The following USP11 variants were observed in gnomAD, a reference collection of about 807,000 sequenced individuals.
The protein encoded by USP11 is ubiquitin specific peptidase 11.
USP11 carries 5 observed loss-of-function variants against 72.8 expected under a neutral mutation model. That is an observed-to-expected ratio of 0.07 (90% CI 0.04 to 0.14). The LOEUF is 0.14. Among genes scored for constraint, USP11 ranks in the 10% least tolerant of loss-of-function variants. The pLI is 1.00. For missense variants in USP11, 480 were observed against 794.7 expected (o/e 0.60, Z 4.76); for synonymous variants, 368 against 326.5 (o/e 1.13, Z -1.37).
intron 17 of USP11, 122 bp downstream of exon 17, chrX:47,245,604 G>A (rs1350240433): frequency 2.2e-6 from 1 of 455,313 alleles, no homozygotes; most frequent in Non-Finnish European, 3.7e-6. Flanking sequence ...AAGTGCAGTG[G>A]TACAATCTCG....
chrX:47,238,146 A>G (rs2055383200), intron 1 of USP11, among the ~76,000 whole-genome samples: 1 of 109,695 alleles, frequency 9.1e-6, no homozygotes, highest in Non-Finnish European at 1.9e-5. Context: ...GCCAAAGTAA[A>G]TTCTAAATTA....
chrX:47,242,378 C>T (rs1161856891), intron 10 of USP11, 61 bp from the exon 11 acceptor site: 6 of 1,204,382 alleles, frequency 5.0e-6, no homozygotes, highest in Non-Finnish European at 5.6e-6. Context: ...TAGCTCAAGG[C>T]TTCTTGCATT....
Position 47,243,591 on chromosome X carries a change from G to A in USP11, c.1779G>A (p.Met593Ile). 8.3e-7 allele frequency: 1 copy of A among 1,211,615 alleles called. No individual in the cohort carries two copies. Among genetic ancestry groups the A allele is most frequent in the South Asian group, 1.8e-5 (1 of 56,957 alleles). The change falls in exon 13 of 21, where the codon ATG (methionine) becomes ATA (isoleucine). Residue 593 changes from methionine (M) to isoleucine (I), a missense_variant. Met to Ile is a conservative substitution (Grantham distance 10). This residue lies in a region of USP11 where 314 missense variants were observed against 556.0 expected (regional missense o/e 0.56). Transcript: ENST00000377107. ...GGGAGGGCCTGTATAACGTCCTGAT[G>A]TACCGGCTCTCGTAAGTGTCCTCTT... ...FTWEGLYNVL[M>I]YRLSRYVTKP...
rs775072824 is a variant in USP11, at chrX:47,240,810, G to C, written c.780G>C (p.Lys260Asn). 8.3e-7 allele frequency: 1 copy of C among 1,210,287 alleles called. No individual in the cohort carries two copies. Among genetic ancestry groups the C allele is most frequent in the East Asian group, 3.0e-5 (1 of 33,765 alleles). Reference protein sequence around the residue: ...NNMSEEDEDFKGQPGICGLTN... With the variant: ...NNMSEEDEDFNGQPGICGLTN... ...TGTCGGAAGAGGATGAGGACTTCAA[G>C]GGTCAGCCAGGCATCTGTGGCCTCA... Residue 260 changes from lysine (K) to asparagine (N), a missense_variant, in exon 7 of 21, where the codon AAG (lysine) becomes AAC (asparagine). By Grantham distance (94) the Lys-to-Asn change is moderately conservative. Around this residue, in one of 5 missense-constraint regions of USP11, gnomAD observed 80 missense variants for 100.9 expected, o/e 0.79. Coordinates refer to ENST00000377107, the MANE Select transcript of USP11 (RefSeq NM_001371072.1).
Position 47,247,078 on chromosome X carries a change from C to T in USP11, c.2277C>T (p.Cys759=), listed in dbSNP as rs746987624. The T allele has an allele frequency of 2.6e-5, 31 of 1,208,118 alleles. No individual in the cohort carries two copies. The highest frequency in any genetic ancestry group is 2.9e-5 in the Non-Finnish European group (26 of 894,648). The part of the protein sequence containing the change: ...ETLEKENPWY[C]PSCKQHQLAT... ...ACTCGGGCTCTGTCTGTAGGTACTG[C>T]CCTTCCTGCAAGCAGCACCAGCTGG... Residue 759 remains cysteine (C), a synonymous_variant, in exon 18 of 21, where the codon TGC becomes TGT. Coordinates refer to ENST00000377107, the MANE Select transcript of USP11 (RefSeq NM_001371072.1).
At position 47,244,741 on chromosome X, in the gene USP11, G is replaced by A. The variant is rs2055423101; in HGVS notation, c.1903G>A (p.Asp635Asn). The A allele has an allele frequency of 8.3e-7, 1 of 1,210,256 alleles. No homozygotes were observed. Among genetic ancestry groups the A allele is most frequent in the Non-Finnish European group, 1.1e-6 (1 of 894,960 alleles). ...GCCCTCAACTGGGGGCAGCCTCCGAGACCCTGAGCCAGAGCAGGCTGGGCC... is the reference window on the plus strand; with the variant it reads ...GCCCTCAACTGGGGGCAGCCTCCGAAACCCTGAGCCAGAGCAGGCTGGGCC... The part of the protein sequence containing the change: ...PGPSTGGSLR[D>N]PEPEQAGPSS... The change falls in exon 15 of 21, where the codon GAC becomes AAC. Residue 635 changes from aspartate (D) to asparagine (N), a missense_variant. Transcript: ENST00000377107.
Position 47,244,797 on chromosome X carries a change from C to G in USP11, c.1959C>G (p.Phe653Leu), listed in dbSNP as rs373698431. ...PSSGVTNRCP[F>L]LLDNCLGTSQ... ...CTGGAGTCACGAACAGGTGCCCGTT[C>G]CTCCTGGACAATTGCCTTGGCACAT... The change falls in exon 15 of 21, where the codon TTC becomes TTG. Residue 653 changes from phenylalanine (F) to leucine (L), a missense_variant. Around this residue, in one of 5 missense-constraint regions of USP11, gnomAD observed 314 missense variants for 556.0 expected, o/e 0.56. Transcript: ENST00000377107. 64 of 1,208,321 alleles carry G rather than the reference C, an allele frequency of 5.3e-5. No homozygotes were observed. The highest frequency in any genetic ancestry group is 6.1e-5 in the Non-Finnish European group (55 of 894,723).
Position 47,233,048 on chromosome X carries a change from C to T in USP11, c.5C>T (p.Ala2Val). 8.3e-7 allele frequency: 1 copy of T among 1,210,544 alleles called. No homozygotes were observed. The highest frequency in any genetic ancestry group is 1.1e-6 in the Non-Finnish European group (1 of 894,823). Residue 2 changes from alanine to valine, a missense_variant, in exon 1 of 21, where the codon GCG (alanine) becomes GTG (valine). Physicochemically the swap from Ala to Val is moderately conservative, Grantham distance 64. This residue lies in a region of USP11 where 71 missense variants were observed against 71.4 expected (regional missense o/e 0.99). Coordinates refer to ENST00000377107, the MANE Select transcript of USP11 (RefSeq NM_001371072.1). ...TGTAGAAGAGAACGGACGGCGATGGCGACGGTCGCAGCAAATCCAGCTGCT... is the reference window on the plus strand; with the variant it reads ...TGTAGAAGAGAACGGACGGCGATGGTGACGGTCGCAGCAAATCCAGCTGCT... Reference protein sequence around the residue: MATVAANPAAAA... With the variant: MVTVAANPAAAA...
At chrX:47,235,210 T>C (rs143489129) in intron 1 of USP11, among the ~76,000 whole-genome samples, 2 of 112,085 alleles carry the variant, frequency 1.8e-5, no homozygotes, top group East Asian at 5.6e-4. Flanking sequence ...CACAGCTGTA[T>C]GCATCCCTAA....
chrX:47,233,196 T>G lies in USP11; in HGVS notation c.153T>G (p.Arg51=), dbSNP rs1220620167. Residue 51 remains arginine, a synonymous_variant, in exon 1 of 21, where the codon CGT becomes CGG. Transcript: ENST00000377107. ...QIENGESGRE[R]PLRAGESWFL... is the part of the protein sequence containing the mutation. The stretch of plus-strand genomic sequence containing the variant: ...AAAACGGCGAGAGTGGGCGAGAACG[T>G]CCACTGCGGGCCGGCGAAAGCTGGT... 2 of 1,174,031 alleles carry G rather than the reference T, an allele frequency of 1.7e-6. No individual in the cohort carries two copies. Among genetic ancestry groups the G allele is most frequent in the Non-Finnish European group, 2.3e-6 (2 of 875,545 alleles).
At position 47,248,118 on chromosome X, in the gene USP11, C is replaced by A; in HGVS notation, c.*188C>A. ...GGGAAAGAACAGGTCGTGTCTCCTC[C>A]TAGCAGTGCGCGCCCCGCCTGTGTT... On this transcript the variant is annotated 3_prime_UTR_variant, in exon 21 of 21. Transcript: ENST00000377107. 1 of 625,488 alleles carries A rather than the reference C, an allele frequency of 1.6e-6. No individual in the cohort carries two copies. Among genetic ancestry groups the A allele is most frequent in the Non-Finnish European group, 2.3e-6 (1 of 428,723 alleles). 51.5% of individuals were successfully genotyped at this position (625,488 alleles called of 1,213,427 possible).
rs761908448 is a variant in USP11 at position 47,240,416 on chromosome X, T to C, written c.647T>C (p.Ile216Thr). ...GSLDRLYDTH[I>T]TVLDAALETG... The stretch of plus-strand genomic sequence containing the variant: ...TTGGATAGGTTGTATGACACACACA[T>C]CACGGTTCTCGATGCGGCCCTTGAG... The change falls in exon 5 of 21, where the codon ATC becomes ACC. Residue 216 changes from isoleucine to threonine, a missense_variant. This residue lies in a region of USP11 where 80 missense variants were observed against 100.9 expected (regional missense o/e 0.79). Transcript: ENST00000377107. The C allele has an allele frequency of 4.1e-5, 50 of 1,209,937 alleles. No individual in the cohort carries two copies. Among genetic ancestry groups the C allele is most frequent in the Non-Finnish European group, 5.4e-5 (48 of 895,207 alleles).
At chrX:47,234,573 A>G (rs887271961) in intron 1 of USP11, among the ~76,000 whole-genome samples, 2 of 112,001 alleles carry the variant, frequency 1.8e-5, no homozygotes, top group Admixed American at 1.9e-4. Flanking sequence ...TGCCTGAAAA[A>G]TTAGCATATA....
chrX:47,239,705 C>T, intron 3 of USP11, 85 bp from the exon 4 acceptor site: 1 of 1,038,968 alleles, frequency 9.6e-7, no homozygotes, highest in Non-Finnish European at 1.3e-6. Context: ...GTTTGTAAGG[C>T]AGAGTGTGTG....
rs2055445691 is a variant in USP11, at chrX:47,247,987, T to C, written c.*57T>C. The C allele has an allele frequency of 8.8e-7, 1 of 1,131,959 alleles. No homozygotes were observed. Among genetic ancestry groups the C allele is most frequent in the Non-Finnish European group, 1.2e-6 (1 of 864,423 alleles). The allele number at this position is 1,131,959 out of a possible 1,213,427, so 93.3% of individuals were successfully genotyped here. ...AAAAAAGCCCTCTCTGCAATCTCGCTTCTCGTGTCCGCCCCGCTTCTCTTA... is the reference window on the plus strand; with the variant it reads ...AAAAAAGCCCTCTCTGCAATCTCGCCTCTCGTGTCCGCCCCGCTTCTCTTA... On this transcript the variant is annotated 3_prime_UTR_variant, in exon 21 of 21. Transcript: ENST00000377107.
intron 12 of USP11, among the ~76,000 whole-genome samples, chrX:47,243,095 C>G (rs1187108109): frequency 9.0e-6 from 1 of 110,962 alleles, no homozygotes; most frequent in African/African-American, 3.3e-5. Context: ...AACCCCGTCT[C>G]TACTAAAAAT....
intron 9 of USP11, 124 bp downstream of exon 9, chrX:47,241,823 A>C: frequency 3.4e-6 from 3 of 890,938 alleles, no homozygotes; most frequent in Non-Finnish European, 3.0e-6. Flanking sequence ...ACCTGACCTC[A>C]ACTCCAGCCT....
At chrX:47,242,992 G>T (rs1054995606) in intron 12 of USP11, among the ~76,000 whole-genome samples, 3 of 111,783 alleles carry the variant, frequency 2.7e-5, no homozygotes, top group Non-Finnish European at 5.6e-5. Context: ...AGCCGGGCGC[G>T]GTGGCTCACG....
intron 8 of USP11, 23 bp from the exon 9 acceptor site, chrX:47,241,518 G>C: frequency 1.7e-6 from 2 of 1,189,274 alleles, no homozygotes; most frequent in Non-Finnish European, 2.3e-6. Flanking sequence ...CTCTCTCTCT[G>C]ATGACCCTGC....
Sources: allele counts gnomAD v4.1 joint callset (sites outside exome capture counted in the v4.1 genomes callset), GRCh38; gene constraint gnomAD v4.1.1; regional missense constraint gnomAD v4.1.1; transcripts MANE v1.5; gene names NCBI Gene and HGNC (gene_info 2026-07-23, HGNC 2026-07-21).